The following SNRPA variants were observed in gnomAD, a reference collection of about 807,000 sequenced individuals.
SNRPA encodes the protein small nuclear ribonucleoprotein polypeptide A.
In SNRPA, 10 loss-of-function variants were observed where a neutral mutation model predicts 24.5. The ratio of observed to expected loss-of-function variants is 0.41; its 90% CI spans 0.25 to 0.69. The LOEUF (loss-of-function observed/expected upper bound fraction) is 0.69, where lower values mean the gene tolerates loss of function less well. Ranked by LOEUF, SNRPA falls within the 30% of genes least tolerant of loss-of-function variation. The pLI is 0.33. For synonymous variants in SNRPA, 165 were observed against 148.4 expected, an observed-to-expected ratio of 1.11 and a Z score of -0.81; for missense variants, 283 against 394.7, an observed-to-expected ratio of 0.72 and a Z score of 2.40.
chr19:40,759,782 G>A, intron 3 of SNRPA, 172 bp downstream of exon 3: 1 of 558,394 alleles, frequency 1.8e-6, no homozygotes, highest in Non-Finnish European at 3.1e-6. Context: ...TGAGCACCTA[G>A]ATGATGCTAT....
intron 4 of SNRPA, 98 bp downstream of exon 4, chr19:40,763,172 G>A (rs1345633273): frequency 3.0e-5 from 27 of 899,140 alleles, no homozygotes; most frequent in Admixed American, 1.7e-4. Context: ...TGGGTGGTCT[G>A]GGCAGGCCCC....
At chr19:40,754,874 C>T (rs1025539489) in intron 1 of SNRPA, among the ~76,000 whole-genome samples, 5 of 152,040 alleles carry the variant, frequency 3.3e-5, no homozygotes, top group Non-Finnish European at 7.4e-5. Flanking sequence ...GAGAGAGGCC[C>T]AGAGTCCCGT....
chr19:40,758,488 C>G (rs750474690), intron 2 of SNRPA, among the ~76,000 whole-genome samples: 2 of 152,182 alleles, frequency 1.3e-5, no homozygotes, highest in African/African-American at 2.4e-5. Flanking sequence ...ATTGTCTCCT[C>G]GGTCCTTTGG....
chr19:40,763,319 T>C (rs972405312), intron 4 of SNRPA: 11 of 594,376 alleles, frequency 1.9e-5, no homozygotes, highest in Non-Finnish European at 3.0e-5. Flanking sequence ...CCATGAGCTA[T>C]TGAGCGCCTC....
chr19:40,752,883 A>G (rs534126058), intron 1 of SNRPA, among the ~76,000 whole-genome samples: 52 of 152,104 alleles, frequency 3.4e-4, no homozygotes, highest in African/African-American at 1.3e-3. Context: ...CCTTTTTTGC[A>G]TGGATGTTGG....
chr19:40,751,416 T>A lies in SNRPA; in HGVS notation c.8T>A (p.Val3Asp). Reference sequence around the variant, plus strand: ...ACCTCAACACTTCACTCCATGGCAGTTCCCGAGACCCGCCCTAACCACACT... The same window carrying A: ...ACCTCAACACTTCACTCCATGGCAGATCCCGAGACCCGCCCTAACCACACT... MA[V>D]PETRPNHTIY... Residue 3 changes from valine (V) to aspartate (D), a missense_variant, in exon 1 of 6, where the codon GTT becomes GAT. Coordinates refer to ENST00000243563, the MANE Select transcript of SNRPA (RefSeq NM_004596.5). 2 of 1,612,386 alleles carry A rather than the reference T, an allele frequency of 1.2e-6. No individual in the cohort carries two copies. The highest frequency in any genetic ancestry group is 1.7e-6 in the Non-Finnish European group (2 of 1,178,480).
chr19:40,759,591 CTG>C lies in SNRPA; in HGVS notation c.409_410del (p.Val137ProfsTer66), dbSNP rs2082923099. The C allele has an allele frequency of 6.2e-7, 1 of 1,611,826 alleles. No individual in the cohort carries two copies. Among genetic ancestry groups the C allele is most frequent in the Non-Finnish European group, 8.5e-7 (1 of 1,179,432 alleles). On this transcript the variant is annotated frameshift_variant, in exon 3 of 6. Transcript: ENST00000243563. LOFTEE classifies it high-confidence loss of function. ...GGGGGAGCCACCCCCGTGGTGGGGG[CTG>C]TCCAGGGGCCTGTCCCGGTAAGCCA...
chr19:40,751,648 C>T, intron 1 of SNRPA, 167 bp downstream of exon 1: 1 of 631,728 alleles, frequency 1.6e-6, no homozygotes, highest in South Asian at 1.7e-5. Flanking sequence ...ATTAGTTCAT[C>T]TTACACTCTG....
chr19:40,758,886 C>G (rs567962898), intron 2 of SNRPA: 5 of 152,098 alleles, frequency 3.3e-5, no homozygotes, highest in African/African-American at 1.2e-4. Context: ...ACCACCATGC[C>G]CAGCTAATTT....
At chr19:40,756,798 A>G (rs1277075875) in intron 1 of SNRPA, among the ~76,000 whole-genome samples, 1 of 152,152 alleles carries the variant, frequency 6.6e-6, no homozygotes, top group Non-Finnish European at 1.5e-5. Context: ...CAGAGGTGGC[A>G]ACATTTCCTC....
intron 2 of SNRPA, among the ~76,000 whole-genome samples, chr19:40,757,943 G>GA (rs1007611645): frequency 9.6e-5 from 14 of 146,192 alleles, no homozygotes; most frequent in Admixed American, 3.3e-4. Context: ...CTCTGTCTCA[G>GA]AAAAAATAAA....
chr19:40,754,875 A>G (rs969595348), intron 1 of SNRPA, among the ~76,000 whole-genome samples: 1 of 152,126 alleles, frequency 6.6e-6, no homozygotes, highest in Non-Finnish European at 1.5e-5. Flanking sequence ...AGAGAGGCCC[A>G]GAGTCCCGTG....
At chr19:40,755,281 T>TC (rs1491110055) in intron 1 of SNRPA, among the ~76,000 whole-genome samples, 3 of 130,902 alleles carry the variant, frequency 2.3e-5, no homozygotes, top group African/African-American at 3.1e-5. Flanking sequence ...TTTTTTTTTT[T>TC]GGCATTTTTA....
At chr19:40,756,964 G>A in intron 1 of SNRPA, 1 of 266,214 alleles carries the variant, frequency 3.8e-6, no homozygotes, top group South Asian at 3.5e-5. Context: ...GTGGAATGTG[G>A]GCAGGGATGA....
At chr19:40,754,309 G>C (rs920157382) in intron 1 of SNRPA, among the ~76,000 whole-genome samples, 3 of 151,840 alleles carry the variant, frequency 2.0e-5, no homozygotes, top group African/African-American at 7.3e-5. Flanking sequence ...CACCATCTTG[G>C]CTATGCTGGT....
At chr19:40,757,228 C>T (rs1236419625) in intron 1 of SNRPA, 104 bp from the exon 2 acceptor site, 4 of 1,091,552 alleles carry the variant, frequency 3.7e-6, no homozygotes, top group African/African-American at 3.1e-5. Flanking sequence ...AGATTATGGA[C>T]CCGAGGCATT....
Position 40,762,990 on chromosome 19 carries a change from G to GC in SNRPA, c.518dup (p.Gly174ArgfsTer30). On this transcript the variant is annotated frameshift_variant, in exon 4 of 6. Coordinates refer to ENST00000243563, the MANE Select transcript of SNRPA (RefSeq NM_004596.5). LOFTEE classifies it high-confidence loss of function. ...TGCCGCCCCCTGGTATGATCCCCCC[G>GC]CCAGGCCTTGCACCTGGCCAGATCC... The GC allele has an allele frequency of 6.2e-7, 1 of 1,611,800 alleles. No individual in the cohort carries two copies. The highest frequency in any genetic ancestry group is 8.5e-7 in the Non-Finnish European group (1 of 1,178,646).
intron 2 of SNRPA, among the ~76,000 whole-genome samples, 170 bp downstream of exon 2, chr19:40,757,674 G>A (rs2082914283): frequency 6.6e-6 from 1 of 151,960 alleles, no homozygotes; most frequent in Non-Finnish European, 1.5e-5. Flanking sequence ...CGAGGGCGGT[G>A]GCTCACGTCT....
rs1471649955 is a variant in SNRPA, at chr19:40,759,415, GCTCT to G, written c.247-13_247-10del. 1 of 1,604,282 alleles carries G rather than the reference GCTCT, an allele frequency of 6.2e-7. No homozygotes were observed. Among genetic ancestry groups the G allele is most frequent in the African/African-American group, 1.3e-5 (1 of 74,088 alleles). On this transcript the variant is annotated splice_polypyrimidine_tract_variant and intron_variant, in intron 2 of 5. Coordinates refer to ENST00000243563, the MANE Select transcript of SNRPA (RefSeq NM_004596.5). ...TGAATCCACGCTCTTAACCCGTTCTGCTCTCTGTTTGGTAGCGTATCCAGTATGC... is the reference window on the plus strand; with the variant it reads ...TGAATCCACGCTCTTAACCCGTTCTGCTGTTTGGTAGCGTATCCAGTATGC...
Sources: gnomAD v4.1 joint callset for allele counts (sites outside exome capture counted in the v4.1 genomes callset) on GRCh38, gnomAD v4.1.1 for gene constraint, MANE v1.5 for transcripts, NCBI Gene and HGNC (gene_info 2026-07-23, HGNC 2026-07-21) for gene names.